Variants in PRKAG2 observed in about 807,000 individuals in gnomAD.
PRKAG2 encodes the protein 5'-AMP-activated protein kinase subunit gamma-2.
PRKAG2 carries 26 observed loss-of-function variants against 69.6 expected under a neutral mutation model. The ratio of observed to expected loss-of-function variants is 0.37; its 90% CI spans 0.27 to 0.52. PRKAG2 has a LOEUF of 0.52. Among genes scored for constraint, PRKAG2 ranks in the 20% least tolerant of loss-of-function variants. The pLI is 0.90. For missense variants in PRKAG2, 557 were observed against 740.0 expected, an observed-to-expected ratio of 0.75 and a Z score of 2.87; for synonymous variants, 293 against 285.0, an observed-to-expected ratio of 1.03 and a Z score of -0.28.
intron 6 of PRKAG2, among the ~76,000 whole-genome samples, chr7:151,591,156 G>T (rs1325226582): frequency 6.6e-6 from 1 of 152,268 alleles, no homozygotes; most frequent in Non-Finnish European, 1.5e-5. Flanking sequence ...ACTTGTCACT[G>T]CAGCAGCTGT....
intron 9 of PRKAG2, 35 bp from the exon 10 acceptor site, chr7:151,570,260 C>T (rs1185991538): frequency 1.3e-6 from 2 of 1,587,742 alleles, no homozygotes; most frequent in Non-Finnish European, 1.7e-6. Context: ...CAGTTAGTAA[C>T]ACATTTGCTG....
chr7:151,736,915 C>A (rs1259284903), intron 3 of PRKAG2, among the ~76,000 whole-genome samples: 1 of 152,162 alleles, frequency 6.6e-6, no homozygotes, highest in Non-Finnish European at 1.5e-5. Flanking sequence ...GGTGACTTCC[C>A]CAAGATCCTG....
intron 4 of PRKAG2, among the ~76,000 whole-genome samples, chr7:151,635,894 G>C (rs1185457666): frequency 1.3e-5 from 2 of 148,446 alleles, no homozygotes; most frequent in African/African-American, 5.0e-5. Flanking sequence ...TTGAGACGGA[G>C]TCTCGCTTTG....
chr7:151,838,822 C>T (rs2079209411), intron 1 of PRKAG2, among the ~76,000 whole-genome samples: 1 of 151,876 alleles, frequency 6.6e-6, no homozygotes, highest in African/African-American at 2.4e-5. Flanking sequence ...AGAGACAAGC[C>T]TGGCCAACAT....
intron 3 of PRKAG2, among the ~76,000 whole-genome samples, chr7:151,750,705 T>A (rs184089067): frequency 8.0e-4 from 121 of 152,184 alleles, no homozygotes; most frequent in African/African-American, 2.7e-3. Context: ...CTGTGACTAC[T>A]GAGTTATATA....
intron 1 of PRKAG2, among the ~76,000 whole-genome samples, chr7:151,798,291 C>T (rs1172435183): frequency 2.6e-5 from 4 of 151,942 alleles, no homozygotes; most frequent in South Asian, 2.1e-4. Flanking sequence ...TGTGAGCTAC[C>T]GTGTCCGGCC....
intron 1 of PRKAG2, among the ~76,000 whole-genome samples, chr7:151,852,187 G>C (rs1382319276): frequency 6.6e-6 from 1 of 150,644 alleles, no homozygotes; most frequent in Non-Finnish European, 1.5e-5. Flanking sequence ...CCTGGGGCTA[G>C]GGGGGACAGA....
chr7:151,841,262 A>G (rs2079271238), intron 1 of PRKAG2, among the ~76,000 whole-genome samples: 1 of 152,234 alleles, frequency 6.6e-6, no homozygotes, highest in Non-Finnish European at 1.5e-5. Flanking sequence ...TTCTGGGATT[A>G]CAGGCATGAG....
chr7:151,713,874 C>G (rs555250438), intron 3 of PRKAG2, among the ~76,000 whole-genome samples: 44 of 152,294 alleles, frequency 2.9e-4, no homozygotes, highest in Admixed American at 1.3e-4. Context: ...CTGCACCTGA[C>G]CCCCAGTGTT....
intron 4 of PRKAG2, among the ~76,000 whole-genome samples, chr7:151,673,128 C>A (rs1194411283): frequency 3.9e-5 from 6 of 152,158 alleles, no homozygotes; most frequent in African/African-American, 7.2e-5. Context: ...CTGGGCTTGT[C>A]CCCAGCACAA....
intron 3 of PRKAG2, among the ~76,000 whole-genome samples, chr7:151,775,890 G>A (rs1223864844): frequency 1.3e-5 from 2 of 152,188 alleles, no homozygotes; most frequent in African/African-American, 4.8e-5. Flanking sequence ...TTAGTTCTAG[G>A]GCAGTGGGGG....
At position 151,638,888 on chromosome 7, in the gene PRKAG2, A is replaced by G. The variant is rs951844211; in HGVS notation, c.685-6750T>C. On this transcript the variant is annotated intron_variant, in intron 4 of 15. Transcript: ENST00000287878. The surrounding 1 kb of genome is among the most constrained non-coding windows in gnomAD (Gnocchi z 4.3). Reference sequence around the variant, plus strand: ...TGGGTAAGGAGCTCCTGAATAATTTAGCATACAGAACTCTTAGTTTCTGTG... The same window carrying G: ...TGGGTAAGGAGCTCCTGAATAATTTGGCATACAGAACTCTTAGTTTCTGTG... 1.3e-5 allele frequency among the ~76,000 whole-genome samples: 2 copies of G among 152,218 alleles called. No individual in the cohort carries two copies. Among genetic ancestry groups the G allele is most frequent in the Non-Finnish European group, 2.9e-5 (2 of 68,036 alleles).
chr7:151,703,889 C>CAT, intron 3 of PRKAG2, among the ~76,000 whole-genome samples: 1 of 141,788 alleles, frequency 7.1e-6, no homozygotes, highest in East Asian at 2.4e-4. Flanking sequence ...CACACACACA[C>CAT]ACACACACAC....
rs755582685 is a variant in PRKAG2 at position 151,876,665 on chromosome 7, G to C, written c.-45C>G. On this transcript the variant is annotated 5_prime_UTR_variant, in exon 1 of 16. Coordinates refer to ENST00000287878, the MANE Select transcript of PRKAG2 (RefSeq NM_016203.4). ...TTCTGCGAAACTCCTCGGGGGTTCG[G>C]TCCCCTCCTTCCCTCCCCCGGCCGC... 1.3e-6 allele frequency: 2 copies of C among 1,567,398 alleles called. No individual in the cohort carries two copies. Among genetic ancestry groups the C allele is most frequent in the South Asian group, 2.2e-5 (2 of 90,252 alleles).
chr7:151,875,796 C>T (rs746906898), intron 1 of PRKAG2, among the ~76,000 whole-genome samples: 2 of 152,134 alleles, frequency 1.3e-5, no homozygotes, highest in Non-Finnish European at 2.9e-5. Flanking sequence ...AAGCCGCAGG[C>T]AGATCCGAGT....
intron 5 of PRKAG2, among the ~76,000 whole-genome samples, chr7:151,597,827 C>CCCCG (rs1554482741): frequency 6.7e-6 from 1 of 149,042 alleles, no homozygotes; most frequent in African/African-American, 2.5e-5. Flanking sequence ...GGAGCCCCCC[C>CCCCG]CCCCGCTCTT....
intron 3 of PRKAG2, among the ~76,000 whole-genome samples, chr7:151,706,829 C>T (rs531074848): frequency 2.0e-5 from 3 of 152,344 alleles, no homozygotes; most frequent in African/African-American, 7.2e-5. Context: ...CCGGAGGCCA[C>T]GGTGGTTCCC....
intron 11 of PRKAG2, chr7:151,566,695 G>C (rs934383808): frequency 2.7e-6 from 1 of 376,456 alleles, no homozygotes; most frequent in African/African-American, 2.1e-5. Flanking sequence ...CAAATCATGA[G>C]ACTCCTAGAA....
intron 4 of PRKAG2, among the ~76,000 whole-genome samples, chr7:151,667,880 CA>C (rs2151447445): frequency 6.6e-6 from 1 of 152,336 alleles, no homozygotes; most frequent in Non-Finnish European, 1.5e-5. Flanking sequence ...AATGCCCACC[CA>C]AATTGCTGAC....
Sources: gnomAD v4.1 joint callset for allele counts (sites outside exome capture counted in the v4.1 genomes callset) on GRCh38, gnomAD v4.1.1 for gene constraint, Gnocchi (gnomAD v3.1) non-coding constraint, MANE v1.5 for transcripts, NCBI Gene and HGNC (gene_info 2026-07-23, HGNC 2026-07-21) for gene names.